Variants in EEF2KMT observed in about 807,000 individuals in gnomAD.
EEF2KMT encodes the protein protein-lysine N-methyltransferase EEF2KMT.
Under a neutral mutation model 35.1 loss-of-function variants are expected in EEF2KMT, and 30 were observed. The ratio of observed to expected loss-of-function variants is 0.85; its 90% CI spans 0.64 to 1.16. The LOEUF (loss-of-function observed/expected upper bound fraction) is 1.16, where lower values mean the gene tolerates loss of function less well. Ranked by LOEUF, EEF2KMT falls within the 50% of genes most tolerant of loss-of-function variation. The probability of loss-of-function intolerance (pLI) is 0.00; values close to 1 mark genes in which losing one functional copy is unlikely to be tolerated. For synonymous variants in EEF2KMT, 190 were observed against 187.7 expected, an observed-to-expected ratio of 1.01 and a Z score of -0.10; for missense variants, 499 against 438.2, an observed-to-expected ratio of 1.14 and a Z score of -1.24.
rs779797589 is a variant in EEF2KMT, at chr16:5,093,506, A to T, written c.218T>A (p.Phe73Tyr). 2.5e-6 allele frequency: 4 copies of T among 1,611,868 alleles called. No homozygotes were observed. The highest frequency in any genetic ancestry group is 3.4e-6 in the Non-Finnish European group (4 of 1,179,840). Residue 73 changes from phenylalanine to tyrosine, a missense_variant, in exon 3 of 8, where the codon TTT becomes TAT. Phe to Tyr is a conservative substitution (Grantham distance 22). Coordinates refer to ENST00000427587, the MANE Select transcript of EEF2KMT (RefSeq NM_201400.4). ...HPPSVKYARC[F>Y]LSELIKKHEA... ...GACCTTTTTGATGAGTTCTGAGAGA[A>T]AGCACCGGGCATATTTGACGGACGG... is the stretch of plus-strand genomic sequence containing the variant.
chr16:5,087,814 A>C (rs1957234947), intron 7 of EEF2KMT, among the ~76,000 whole-genome samples: 1 of 151,468 alleles, frequency 6.6e-6, no homozygotes, highest in Non-Finnish European at 1.5e-5. Flanking sequence ...AAAAAAAAAA[A>C]AAAAAAAGGT....
At position 5,097,785 on chromosome 16, in the gene EEF2KMT, C is replaced by T. The variant is rs555146326; in HGVS notation, c.-46G>A. 14 of 1,527,020 alleles carry T rather than the reference C, an allele frequency of 9.2e-6. No individual in the cohort carries two copies. The Admixed American group carries it at 1.2e-4, about 13-fold the overall frequency. 94.6% of individuals were successfully genotyped at this position (1,527,020 alleles called of 1,614,324 possible). ...GTTGCCGGCAGACCGGGCGGAAGCCCGGCCTGGACTGAAGAGGGGGCGGGC... is the reference window on the plus strand; with the variant it reads ...GTTGCCGGCAGACCGGGCGGAAGCCTGGCCTGGACTGAAGAGGGGGCGGGC... On this transcript the variant is annotated 5_prime_UTR_variant, in exon 1 of 8. Transcript: ENST00000427587.
chr16:5,089,519 G>C (rs569890832), intron 6 of EEF2KMT: 1 of 570,712 alleles, frequency 1.8e-6, no homozygotes, highest in African/African-American at 1.9e-5. Context: ...CTGGTTCTTG[G>C]CCTATCTAGA....
chr16:5,093,803 C>T (rs1305498517), intron 2 of EEF2KMT, among the ~76,000 whole-genome samples: 1 of 152,220 alleles, frequency 6.6e-6, no homozygotes, highest in East Asian at 1.9e-4. Flanking sequence ...CCATTCTGAG[C>T]AGGAACACAG....
intron 1 of EEF2KMT, among the ~76,000 whole-genome samples, chr16:5,096,309 T>C (rs1481278174): frequency 6.6e-6 from 1 of 152,238 alleles, no homozygotes; most frequent in Non-Finnish European, 1.5e-5. Context: ...TTTTATTGGC[T>C]TTAAAGCCAC....
chr16:5,090,560 C>T lies in EEF2KMT; in HGVS notation c.348G>A (p.Ser116=), dbSNP rs9673770. The change falls in exon 5 of 8, where the codon TCG becomes TCA. Residue 116 remains serine (S), a synonymous_variant. Transcript: ENST00000427587. The surrounding 1 kb of genome is among the most constrained non-coding windows in gnomAD (Gnocchi z 4.1). ...TCTCGGAGAGTGTGACCGAGCCTCC[C>T]GAGGGCTGCACCAAGAGAAGGCGAG... The part of the protein sequence containing the change: ...TQGHRSYLLP[S]GGSVTLSEST... 0.12 allele frequency: 188,551 copies of T among 1,611,800 alleles called. 12,322 individuals carry two copies. Among genetic ancestry groups the T allele is most frequent in the Admixed American group, 0.21 (12,774 of 59,992 alleles).
At chr16:5,096,636 G>C (rs989768360) in intron 1 of EEF2KMT, among the ~76,000 whole-genome samples, 1 of 152,162 alleles carries the variant, frequency 6.6e-6, no homozygotes, top group African/African-American at 2.4e-5. Flanking sequence ...ACAGGGCCAG[G>C]GGCTGGGCCA....
At position 5,085,641 on chromosome 16, in the gene EEF2KMT, G is replaced by A. The variant is rs1295339143; in HGVS notation, c.984C>T (p.Leu328=). The A allele has an allele frequency of 6.2e-6, 10 of 1,607,378 alleles. No individual in the cohort carries two copies. The highest frequency in any genetic ancestry group is 4.4e-5 in the South Asian group (4 of 90,910). The change falls in exon 8 of 8, where the codon CTC becomes CTT. Residue 328 remains leucine (L), a synonymous_variant. Transcript: ENST00000427587. ...EEHLEMAMLN[L]TL Reference sequence around the variant, plus strand: ...GAGTCGTGTGTGAGTCCTACAGGGTGAGATTCAGCATTGCCATCTCCAAGT... The same window carrying A: ...GAGTCGTGTGTGAGTCCTACAGGGTAAGATTCAGCATTGCCATCTCCAAGT...
At position 5,089,235 on chromosome 16, in the gene EEF2KMT, G is replaced by A. The variant is rs774855715; in HGVS notation, c.764C>T (p.Ala255Val). 4.4e-6 allele frequency: 7 copies of A among 1,606,190 alleles called. No homozygotes were observed. Among genetic ancestry groups the A allele is most frequent in the Non-Finnish European group, 5.9e-6 (7 of 1,179,816 alleles). Residue 255 changes from alanine (A) to valine (V), a missense_variant, in exon 7 of 8, where the codon GCC becomes GTC. Transcript: ENST00000427587. ...IAADVLYCPE[A>V]IMSLVGVLRR... ...CAGGACCCCGACCAGCGACATGATG[G>A]CTTCTGGGCAATACAGCACATCTAT... is the stretch of plus-strand genomic sequence containing the variant.
chr16:5,095,389 T>G, intron 2 of EEF2KMT, 63 bp downstream of exon 2: 1 of 1,601,790 alleles, frequency 6.2e-7, no homozygotes, highest in Non-Finnish European at 8.5e-7. Context: ...AGTTCTTCTC[T>G]CAGGTCTTCT....
At chr16:5,092,524 C>T (rs1022022794) in intron 3 of EEF2KMT, among the ~76,000 whole-genome samples, 7 of 152,180 alleles carry the variant, frequency 4.6e-5, no homozygotes, top group Non-Finnish European at 7.3e-5. Context: ...CTGGGGAGGA[C>T]TAGGGAGAAA....
chr16:5,090,455 C>G lies in EEF2KMT; in HGVS notation c.453G>C (p.Glu151Asp). 6.2e-7 allele frequency: 1 copy of G among 1,612,036 alleles called. No individual in the cohort carries two copies. Among genetic ancestry groups the G allele is most frequent in the Non-Finnish European group, 8.5e-7 (1 of 1,179,862 alleles). Residue 151 changes from glutamate (E) to aspartate (D), a missense_variant, in exon 5 of 8, where the codon GAG becomes GAC. Glu to Asp is a conservative substitution (Grantham distance 45). Transcript: ENST00000427587. The surrounding 1 kb of genome is among the most constrained non-coding windows in gnomAD (Gnocchi z 4.1). ...ACCTGTTAGTGAAGACTGCCGGGTT[C>G]TCGATGGCCCATTCTGCAAGGTAGA... Reference protein sequence around the residue: ...AALYLAEWAIENPAVFTNRTV... With the variant: ...AALYLAEWAIDNPAVFTNRTV...
chr16:5,093,791 G>A (rs1439785054), intron 2 of EEF2KMT, among the ~76,000 whole-genome samples: 1 of 152,208 alleles, frequency 6.6e-6, no homozygotes, highest in Non-Finnish European at 1.5e-5. Flanking sequence ...CATTTCTAAC[G>A]CCCATTCTGA....
At chr16:5,087,450 G>A (rs1226011417) in intron 7 of EEF2KMT, 1 of 152,178 alleles carries the variant, frequency 6.6e-6, no homozygotes, top group Non-Finnish European at 1.5e-5. Context: ...AGCCTCCTGA[G>A]GAGTTGGGAA....
rs1047714 is a variant in EEF2KMT, at chr16:5,084,779, G to A, written c.*853C>T. 2.4e-5 allele frequency: 38 copies of A among 1,595,280 alleles called. No individual in the cohort carries two copies. The highest frequency in any genetic ancestry group is 3.0e-5 in the Non-Finnish European group (35 of 1,179,120). ...TTTTCTCAAACTTTCCTGATCCTGC[G>A]GGCAAGCTAAACCAGTTCCGGAAGA... On this transcript the variant is annotated 3_prime_UTR_variant, in exon 8 of 8. Transcript: ENST00000427587.
chr16:5,093,484 C>A lies in EEF2KMT; in HGVS notation c.240G>T (p.Lys80Asn). The change falls in exon 3 of 8, where the codon AAG (lysine) becomes AAT (asparagine). Residue 80 changes from lysine (K) to asparagine (N), a missense_variant and splice_region_variant. Physicochemically the swap from Lys to Asn is moderately conservative, Grantham distance 94 (BLOSUM62 0). Coordinates refer to ENST00000427587, the MANE Select transcript of EEF2KMT (RefSeq NM_201400.4). Reference sequence around the variant, plus strand: ...TGGGCGGACACTGCCCATAACTGACCTTTTTGATGAGTTCTGAGAGAAAGC... The same window carrying A: ...TGGGCGGACACTGCCCATAACTGACATTTTTGATGAGTTCTGAGAGAAAGC... ...ARCFLSELIK[K>N]HEAVHTEPLD... The A allele has an allele frequency of 6.2e-7, 1 of 1,612,028 alleles. No homozygotes were observed. Among genetic ancestry groups the A allele is most frequent in the Non-Finnish European group, 8.5e-7 (1 of 1,179,858 alleles).
In EEF2KMT at chr16:5,089,992, G is replaced by T; in HGVS notation, c.742+92C>A. ...TGGAAGCCCCATCATGTCCATGCCC[G>T]ACAGCGTCCATTGTTCCCTTTTCCC... On this transcript the variant is annotated intron_variant, in intron 6 of 7. Transcript: ENST00000427587. 19 of 1,557,916 alleles carry T rather than the reference G, an allele frequency of 1.2e-5. No individual in the cohort carries two copies. In the South Asian group the frequency reaches 2.2e-4, roughly 18 times the overall value.
At chr16:5,087,047 G>A (rs1338014710) in intron 7 of EEF2KMT, 9 of 152,142 alleles carry the variant, frequency 5.9e-5, no homozygotes, top group African/African-American at 2.2e-4. Flanking sequence ...AAGTAGTACA[G>A]ACATGAATGT....
intron 1 of EEF2KMT, among the ~76,000 whole-genome samples, chr16:5,096,069 C>G (rs1348283102): frequency 6.6e-6 from 1 of 152,048 alleles, no homozygotes; most frequent in East Asian, 1.9e-4. Context: ...CCCTGGCCCA[C>G]CCTGCTCACT....
Sources: gnomAD v4.1 joint callset for allele counts (sites outside exome capture counted in the v4.1 genomes callset) on GRCh38, gnomAD v4.1.1 for gene constraint, Gnocchi (gnomAD v3.1) non-coding constraint, MANE v1.5 for transcripts, NCBI Gene and HGNC (gene_info 2026-07-23, HGNC 2026-07-21) for gene names.